Variants in XRCC5 observed in about 807,000 individuals in gnomAD.
XRCC5 encodes the protein DNA repair protein Ku80.
XRCC5 carries 12 observed loss-of-function variants against 95.7 expected under a neutral mutation model. The ratio of observed to expected loss-of-function variants is 0.13; its 90% CI spans 0.08 to 0.20. The LOEUF (loss-of-function observed/expected upper bound fraction) is 0.20, where lower values mean the gene tolerates loss of function less well. Ranked by LOEUF, XRCC5 falls within the 10% of genes least tolerant of loss-of-function variation. XRCC5 has a pLI of 1.00. For missense variants in XRCC5, 595 were observed against 873.9 expected (o/e 0.68, Z 4.02); for synonymous variants, 281 against 290.3 (o/e 0.97, Z 0.33).
Position 216,143,849 on chromosome 2 carries a change from G to T in XRCC5, c.1476+2530G>T, listed in dbSNP as rs189983111. Reference sequence around the variant, plus strand: ...AGCCTCCCGAGTAGCTGGGACTACAGATGCCCGCCACCACGCCCGGCTAAT... The same window carrying T: ...AGCCTCCCGAGTAGCTGGGACTACATATGCCCGCCACCACGCCCGGCTAAT... On this transcript the variant is annotated intron_variant, in intron 13 of 20. Coordinates refer to ENST00000392132, the MANE Select transcript of XRCC5 (RefSeq NM_021141.4). 6.4e-3 allele frequency among the ~76,000 whole-genome samples: 975 copies of T among 151,452 alleles called. 13 individuals are homozygous for T. The highest frequency in any genetic ancestry group is 0.022 in the African/African-American group (915 of 41,224).
intron 7 of XRCC5, among the ~76,000 whole-genome samples, chr2:216,127,201 C>T (rs1185337129): frequency 1.3e-5 from 2 of 152,080 alleles, no homozygotes; most frequent in African/African-American, 4.8e-5. Context: ...GATTGCACCA[C>T]TGCACTCCAA....
chr2:216,174,643 G>A (rs1175689252), intron 16 of XRCC5, among the ~76,000 whole-genome samples: 5 of 152,308 alleles, frequency 3.3e-5, no homozygotes, highest in East Asian at 3.9e-4. Flanking sequence ...AGGAATGTAC[G>A]TCTAATCGAC....
intron 17 of XRCC5, among the ~76,000 whole-genome samples, chr2:216,191,413 C>T (rs1037720980): frequency 3.4e-5 from 5 of 145,810 alleles, no homozygotes; most frequent in African/African-American, 1.2e-4. Context: ...TTTTCTTTTC[C>T]TTTTTTTTTT....
intron 16 of XRCC5, among the ~76,000 whole-genome samples, chr2:216,186,685 A>C (rs983307048): frequency 2.0e-5 from 3 of 152,178 alleles, no homozygotes; most frequent in Non-Finnish European, 4.4e-5. Flanking sequence ...AATGAGTATT[A>C]TTGAGTCACT....
At chr2:216,151,472 C>T (rs1341855968) in intron 14 of XRCC5, among the ~76,000 whole-genome samples, 2 of 152,204 alleles carry the variant, frequency 1.3e-5, no homozygotes, top group Admixed American at 1.3e-4. Context: ...TCTCAGCAGA[C>T]ATCCTCACTT....
At chr2:216,149,490 C>T (rs977957383) in intron 14 of XRCC5, among the ~76,000 whole-genome samples, 4 of 152,148 alleles carry the variant, frequency 2.6e-5, no homozygotes, top group Admixed American at 2.6e-4. Context: ...TTCACTTTCC[C>T]CCTGCTATCC....
chr2:216,124,918 A>C (rs1696878928), intron 6 of XRCC5, among the ~76,000 whole-genome samples: 1 of 152,124 alleles, frequency 6.6e-6, no homozygotes, highest in Non-Finnish European at 1.5e-5. Context: ...CTTTTGTTTA[A>C]ATGAAGCAGC....
At chr2:216,115,213 G>A (rs1696671013) in intron 2 of XRCC5, among the ~76,000 whole-genome samples, 1 of 152,092 alleles carries the variant, frequency 6.6e-6, no homozygotes, top group South Asian at 2.1e-4. Flanking sequence ...AGATTACTGC[G>A]GAGTCGCCAC....
intron 19 of XRCC5, among the ~76,000 whole-genome samples, chr2:216,199,468 C>G (rs944535175): frequency 1.3e-5 from 2 of 152,152 alleles, no homozygotes; most frequent in Non-Finnish European, 2.9e-5. Context: ...TTCCTGGTAC[C>G]TCTCATTTCA....
chr2:216,141,127 A>G lies in XRCC5; in HGVS notation c.1343-59A>G, dbSNP rs1318858858. 7.5e-6 allele frequency: 12 copies of G among 1,600,270 alleles called. No homozygotes were observed. In the Admixed American group the frequency reaches 1.7e-4, roughly 23 times the overall value. ...CCGTGGATATCTCTACGTAGAAAGC[A>G]TTTGTTTTAGTGGAGAATAATGGAA... On this transcript the variant is annotated intron_variant, in intron 12 of 20. Coordinates refer to ENST00000392132, the MANE Select transcript of XRCC5 (RefSeq NM_021141.4).
intron 16 of XRCC5, among the ~76,000 whole-genome samples, chr2:216,162,510 TC>T (rs1688971991): frequency 6.6e-6 from 1 of 151,862 alleles, no homozygotes; most frequent in South Asian, 2.1e-4. Flanking sequence ...GAAGCGATTC[TC>T]CTACCTCAGC....
chr2:216,171,608 CCATAACA>C (rs977200248), intron 16 of XRCC5, among the ~76,000 whole-genome samples: 1 of 152,112 alleles, frequency 6.6e-6, no homozygotes, highest in Non-Finnish European at 1.5e-5. Context: ...TGAGGCTCAG[CCATAACA>C]CTCAGGATAA....
intron 8 of XRCC5, chr2:216,130,589 T>G (rs1288805860): frequency 4.1e-6 from 1 of 244,722 alleles, no homozygotes; most frequent in Non-Finnish European, 7.7e-6. Flanking sequence ...TTTGCCAGAT[T>G]TTTTCTTTTA....
At chr2:216,172,737 G>T (rs555345425) in intron 16 of XRCC5, among the ~76,000 whole-genome samples, 2 of 152,190 alleles carry the variant, frequency 1.3e-5, no homozygotes, top group East Asian at 3.9e-4. Context: ...CAAGTTTTGG[G>T]ATTACATGCG....
intron 5 of XRCC5, among the ~76,000 whole-genome samples, chr2:216,120,059 A>G (rs1466907067): frequency 8.6e-5 from 13 of 152,018 alleles, no homozygotes; most frequent in Admixed American, 7.9e-4. Context: ...CTTGTTTTGC[A>G]TGTGTGAGTA....
chr2:216,138,290 G>T, intron 12 of XRCC5, 111 bp downstream of exon 12: 1 of 890,072 alleles, frequency 1.1e-6, no homozygotes, highest in South Asian at 1.4e-5. Context: ...GCAATTAGTT[G>T]GATTTCCAAT....
At chr2:216,119,538 T>C (rs41299744) in intron 5 of XRCC5, among the ~76,000 whole-genome samples, 4,727 of 152,290 alleles carry the variant, frequency 0.031, 94 homozygotes, top group Non-Finnish European at 0.049. Flanking sequence ...TTTTTTTTTT[T>C]CTTAAACAGC....
chr2:216,170,037 C>CAAAAAAAAAAAAAAAAAA (rs71047982), intron 16 of XRCC5, among the ~76,000 whole-genome samples: 1 of 53,606 alleles, frequency 1.9e-5, no homozygotes, highest in African/African-American at 5.4e-5. Flanking sequence ...GACTGTGTCT[C>CAAAAAAAAAAAAAAAAAA]AAAAAAAAAA....
chr2:216,128,996 G>A (rs1197507159), intron 8 of XRCC5, among the ~76,000 whole-genome samples: 1 of 152,176 alleles, frequency 6.6e-6, no homozygotes, highest in Non-Finnish European at 1.5e-5. Flanking sequence ...TTGGATAATA[G>A]GCTAAGAGTT....
Sources: allele counts gnomAD v4.1 joint callset (sites outside exome capture counted in the v4.1 genomes callset), GRCh38; gene constraint gnomAD v4.1.1; transcripts MANE v1.5; gene names NCBI Gene and HGNC (gene_info 2026-07-23, HGNC 2026-07-21).